The following HDHD2 variants were observed in gnomAD, a reference collection of about 807,000 sequenced individuals.
The protein encoded by HDHD2 is haloacid dehalogenase-like hydrolase domain-containing protein 2.
A neutral mutation model predicts 24.8 loss-of-function variants in HDHD2; 26 were observed. The ratio of observed to expected loss-of-function variants is 1.05; its 90% CI spans 0.77 to 1.45. The LOEUF is 1.45. Ranked by LOEUF, HDHD2 falls within the 40% of genes most tolerant of loss-of-function variation. HDHD2 has a pLI of 0.00. For missense variants in HDHD2, 299 were observed against 313.4 expected, an observed-to-expected ratio of 0.95 and a Z score of 0.35; for synonymous variants, 128 against 114.9, an observed-to-expected ratio of 1.11 and a Z score of -0.73.
chr18:47,135,488 C>T (rs565251607), intron 2 of HDHD2, among the ~76,000 whole-genome samples: 23 of 152,018 alleles, frequency 1.5e-4, no homozygotes, highest in African/African-American at 4.8e-4. Flanking sequence ...CTCGAACTCC[C>T]GACCTCAGGT....
At chr18:47,126,440 A>C (rs1165480375) in intron 4 of HDHD2, among the ~76,000 whole-genome samples, 1 of 152,198 alleles carries the variant, frequency 6.6e-6, no homozygotes, top group Admixed American at 6.5e-5. Flanking sequence ...GCAATCCAAC[A>C]GTCAACAAAG....
In HDHD2 at chr18:47,115,165, G is replaced by A. The variant is rs200301842; in HGVS notation, c.579C>T (p.Gly193=). Residue 193 remains glycine, a synonymous_variant, in exon 5 of 7, where the codon GGC becomes GGT. Coordinates refer to ENST00000300605, the MANE Select transcript of HDHD2 (RefSeq NM_032124.5). The stretch of plus-strand genomic sequence containing the variant: ...TCATGACAGCCTCCTCAGGTTCACA[G>A]CCAGTGCCCCGCAATGCTTCCAAAA... ...TFFLEALRGT[G]CEPEEAVMIG... is the part of the protein sequence containing the mutation. The A allele has an allele frequency of 6.2e-7, 1 of 1,613,668 alleles. No homozygotes were observed. The highest frequency in any genetic ancestry group is 2.2e-5 in the East Asian group (1 of 44,858).
intron 4 of HDHD2, among the ~76,000 whole-genome samples, chr18:47,115,904 T>G (rs922099245): frequency 3.9e-5 from 6 of 152,300 alleles, no homozygotes; most frequent in Non-Finnish European, 7.4e-5. Context: ...TTTGACTGCT[T>G]TCAACATTAT....
chr18:47,125,385 T>C (rs1293651033), intron 4 of HDHD2, among the ~76,000 whole-genome samples: 1 of 152,198 alleles, frequency 6.6e-6, no homozygotes, highest in African/African-American at 2.4e-5. Context: ...ATTTCACTTC[T>C]AGATATGTAC....
At chr18:47,120,170 T>A (rs1323152821) in intron 4 of HDHD2, among the ~76,000 whole-genome samples, 1 of 152,216 alleles carries the variant, frequency 6.6e-6, no homozygotes, top group Admixed American at 6.5e-5. Flanking sequence ...AGGCACTGAC[T>A]TTTCCTCTCT....
Position 47,130,347 on chromosome 18 carries a change from A to C in HDHD2, c.311-19T>G. The C allele has an allele frequency of 1.3e-6, 2 of 1,528,130 alleles. No individual in the cohort carries two copies. The highest frequency in any genetic ancestry group is 1.8e-6 in the Non-Finnish European group (2 of 1,118,290). 94.7% of individuals were successfully genotyped at this position (1,528,130 alleles called of 1,614,324 possible). A position where few individuals can be genotyped will look rare whatever the true frequency, so the allele number is the denominator to read the frequency against. ...TGTATTCCTGGGAACGGAAAAAAAA[A>C]ATGATTGTTGCAAATGCAATTAAAA... On this transcript the variant is annotated intron_variant, in intron 3 of 6. Coordinates refer to ENST00000300605, the MANE Select transcript of HDHD2 (RefSeq NM_032124.5).
At chr18:47,148,062 C>G (rs1305405620) in intron 1 of HDHD2, among the ~76,000 whole-genome samples, 1 of 151,066 alleles carries the variant, frequency 6.6e-6, no homozygotes, top group African/African-American at 2.4e-5. Context: ...TATCTCTCAG[C>G]TCACTGCAAC....
chr18:47,137,017 C>T, intron 1 of HDHD2: 1 of 673,638 alleles, frequency 1.5e-6, no homozygotes. Context: ...TGGCAGTCAC[C>T]ATGGCCAACA....
intron 3 of HDHD2, among the ~76,000 whole-genome samples, chr18:47,130,580 AG>A (rs1461029415): frequency 6.6e-6 from 1 of 152,210 alleles, no homozygotes; most frequent in Non-Finnish European, 1.5e-5. Flanking sequence ...CACAGTCTTA[AG>A]GGTACTAAGT....
chr18:47,142,756 C>T (rs1261944921), intron 1 of HDHD2, among the ~76,000 whole-genome samples: 1 of 152,036 alleles, frequency 6.6e-6, no homozygotes, highest in East Asian at 1.9e-4. Flanking sequence ...CTCGAACCAC[C>T]CCTCACCCCT....
intron 4 of HDHD2, among the ~76,000 whole-genome samples, chr18:47,122,462 C>A: frequency 6.6e-6 from 1 of 152,126 alleles, no homozygotes; most frequent in Admixed American, 6.6e-5. Context: ...GTTATGACAA[C>A]CAAAAATGTC....
At chr18:47,116,931 C>T (rs948208547) in intron 4 of HDHD2, among the ~76,000 whole-genome samples, 1 of 152,182 alleles carries the variant, frequency 6.6e-6, no homozygotes, top group Admixed American at 6.5e-5. Flanking sequence ...AATTCCCAGG[C>T]AGTACTTTAG....
chr18:47,113,165 A>G, intron 5 of HDHD2, 125 bp from the exon 6 acceptor site: 1 of 777,734 alleles, frequency 1.3e-6, no homozygotes, highest in Non-Finnish European at 2.2e-6. Flanking sequence ...GAAATAGAAA[A>G]GAGAAGATGT....
intron 4 of HDHD2, among the ~76,000 whole-genome samples, chr18:47,126,462 T>C (rs911503295): frequency 2.6e-5 from 4 of 151,948 alleles, no homozygotes; most frequent in East Asian, 1.9e-4. Context: ...CTTCTTATAG[T>C]GGTAAGAAGC....
intron 4 of HDHD2, among the ~76,000 whole-genome samples, chr18:47,125,856 T>C (rs2063653952): frequency 6.6e-6 from 1 of 152,230 alleles, no homozygotes; most frequent in Admixed American, 6.5e-5. Context: ...TTAAAATCTG[T>C]ATAACTTACA....
At chr18:47,134,306 T>C (rs369688366) in intron 3 of HDHD2, 190 bp downstream of exon 3, 1 of 601,288 alleles carries the variant, frequency 1.7e-6, no homozygotes. Context: ...ATGTAATGTG[T>C]TTCACTTACT....
chr18:47,127,794 G>A (rs1248825400), intron 4 of HDHD2, among the ~76,000 whole-genome samples: 2 of 151,508 alleles, frequency 1.3e-5, no homozygotes, highest in East Asian at 1.9e-4. Context: ...TGTACTATGC[G>A]TTTTTGTGGG....
At chr18:47,142,904 TCTAA>T (rs1198383347) in intron 1 of HDHD2, among the ~76,000 whole-genome samples, 2 of 152,162 alleles carry the variant, frequency 1.3e-5, no homozygotes, top group African/African-American at 2.4e-5. Context: ...AAATTTGCCT[TCTAA>T]CTTTTTCTAA....
chr18:47,110,245 T>G lies in HDHD2; in HGVS notation c.677-1460A>C. 6 of 985,446 alleles carry G rather than the reference T, an allele frequency of 6.1e-6. No individual in the cohort carries two copies. The South Asian group carries it at 2.8e-4, about 46-fold the overall frequency. The allele number at this position is 985,446 out of a possible 1,614,324, so 61.0% of individuals were successfully genotyped here. On this transcript the variant is annotated intron_variant, in intron 6 of 6. Coordinates refer to ENST00000300605, the MANE Select transcript of HDHD2 (RefSeq NM_032124.5). ...ATCATGGTGGAGAAGACGCTTCCTG[T>G]CTTATCTTACTGATTATAACTTCTT... is the stretch of plus-strand genomic sequence containing the variant.
Sources: gnomAD v4.1 joint callset for allele counts (sites outside exome capture counted in the v4.1 genomes callset) on GRCh38, gnomAD v4.1.1 for gene constraint, MANE v1.5 for transcripts, NCBI Gene and HGNC (gene_info 2026-07-23, HGNC 2026-07-21) for gene names.